SSBP3: variants seen among roughly 807,000 people sequenced by gnomAD.
SSBP3 encodes the protein single-stranded DNA-binding protein 3.
In SSBP3, 5 loss-of-function variants were observed where a neutral mutation model predicts 69.6. The observed-to-expected ratio is 0.07, with a 90% CI of 0.04 to 0.15. The LOEUF (loss-of-function observed/expected upper bound fraction) is 0.15, where lower values mean the gene tolerates loss of function less well. Ranked by LOEUF, SSBP3 falls within the 10% of genes least tolerant of loss-of-function variation. The pLI, the probability that SSBP3 is intolerant of heterozygous loss-of-function variation, is 1.00. For synonymous variants in SSBP3, 196 were observed against 193.4 expected, an observed-to-expected ratio of 1.01 and a Z score of -0.11; for missense variants, 312 against 534.0, an observed-to-expected ratio of 0.58 and a Z score of 4.10.
At chr1:54,375,103 C>T (rs1442350069) in intron 4 of SSBP3, among the ~76,000 whole-genome samples, 1 of 152,182 alleles carries the variant, frequency 6.6e-6, no homozygotes, top group Non-Finnish European at 1.5e-5. Flanking sequence ...GTCTTCTCCA[C>T]TAGCTGTCCA....
chr1:54,358,785 C>A (rs1646908066), intron 4 of SSBP3, among the ~76,000 whole-genome samples: 1 of 152,264 alleles, frequency 6.6e-6, no homozygotes, highest in Non-Finnish European at 1.5e-5. Context: ...CAGGGAAATT[C>A]CGCCCACAGC....
At chr1:54,383,805 C>G (rs1479160523) in intron 4 of SSBP3, among the ~76,000 whole-genome samples, 1 of 152,062 alleles carries the variant, frequency 6.6e-6, no homozygotes, top group Non-Finnish European at 1.5e-5. Context: ...CCCCAGCCCC[C>G]TTTATAAAAA....
At chr1:54,360,723 G>A (rs186270811) in intron 4 of SSBP3, among the ~76,000 whole-genome samples, 18 of 152,188 alleles carry the variant, frequency 1.2e-4, no homozygotes, top group Admixed American at 1.0e-3. Flanking sequence ...GAACCTCCTC[G>A]AGTCTCAATT....
At chr1:54,347,966 A>G (rs918681329) in intron 4 of SSBP3, among the ~76,000 whole-genome samples, 3 of 152,154 alleles carry the variant, frequency 2.0e-5, no homozygotes, top group Non-Finnish European at 4.4e-5. Context: ...TCTGGAAATC[A>G]TTCACTCCAA....
chr1:54,291,838 T>C (rs1645614092), intron 4 of SSBP3, among the ~76,000 whole-genome samples: 1 of 152,200 alleles, frequency 6.6e-6, no homozygotes, highest in African/African-American at 2.4e-5. Flanking sequence ...CGCCCAGCTG[T>C]CAGGCAAGGA....
At chr1:54,401,835 G>A (rs746444387) in intron 4 of SSBP3, 26 bp downstream of exon 4, 15 of 1,591,454 alleles carry the variant, frequency 9.4e-6, no homozygotes, top group Admixed American at 8.3e-5. Flanking sequence ...TATAATTATT[G>A]CTAGGATTAA....
intron 4 of SSBP3, among the ~76,000 whole-genome samples, chr1:54,374,823 C>G (rs17101278): frequency 0.11 from 17,368 of 152,232 alleles, 1,150 homozygotes; most frequent in East Asian, 0.28. Context: ...TAACTGACTT[C>G]CAGAGCATGA....
At chr1:54,227,211 G>T in intron 17 of SSBP3, 51 bp from the exon 18 acceptor site, 5 of 1,064,216 alleles carry the variant, frequency 4.7e-6, no homozygotes, top group Non-Finnish European at 1.5e-6. Context: ...TGGGGAGGCC[G>T]CTGACACACC....
At chr1:54,286,390 C>G (rs948373748) in intron 4 of SSBP3, 1 of 152,256 alleles carries the variant, frequency 6.6e-6, no homozygotes, top group African/African-American at 2.4e-5. Flanking sequence ...GGTGCCTCCT[C>G]TAAACCTACA....
At chr1:54,369,452 C>T (rs780843868) in intron 4 of SSBP3, among the ~76,000 whole-genome samples, 6 of 152,002 alleles carry the variant, frequency 3.9e-5, no homozygotes, top group Admixed American at 1.3e-4. Context: ...AGAATATCCA[C>T]GTGGAGGCTG....
chr1:54,229,980 G>A (rs554015284), intron 14 of SSBP3, among the ~76,000 whole-genome samples: 1 of 152,254 alleles, frequency 6.6e-6, no homozygotes, highest in Non-Finnish European at 1.5e-5. Context: ...AGGAGGAAGA[G>A]AGCATCAACA....
At chr1:54,400,382 A>G (rs1649212014) in intron 4 of SSBP3, among the ~76,000 whole-genome samples, 1 of 151,594 alleles carries the variant, frequency 6.6e-6, no homozygotes, top group Non-Finnish European at 1.5e-5. Context: ...AAAACCATGC[A>G]AGATTTTTAC....
intron 4 of SSBP3, among the ~76,000 whole-genome samples, chr1:54,310,888 T>G (rs1645989431): frequency 6.6e-6 from 1 of 152,204 alleles, no homozygotes; most frequent in Non-Finnish European, 1.5e-5. Flanking sequence ...ACTGGGAGCA[T>G]GCAGATTGGC....
chr1:54,277,739 C>T (rs908908127), intron 5 of SSBP3, among the ~76,000 whole-genome samples: 1 of 152,202 alleles, frequency 6.6e-6, no homozygotes, highest in Non-Finnish European at 1.5e-5. Context: ...TCTTGTGAGT[C>T]CCGTTTTGGA....
intron 10 of SSBP3, among the ~76,000 whole-genome samples, chr1:54,242,478 C>G (rs1268753619): frequency 6.6e-6 from 1 of 152,100 alleles, no homozygotes; most frequent in East Asian, 1.9e-4. Context: ...GTGCATTTTC[C>G]TAGGAAGGGA....
At chr1:54,378,200 T>C (rs1055396626) in intron 4 of SSBP3, among the ~76,000 whole-genome samples, 16 of 152,206 alleles carry the variant, frequency 1.1e-4, no homozygotes, top group Non-Finnish European at 1.8e-4. Flanking sequence ...AACTTTCCCA[T>C]ATTCTCATCA....
Position 54,251,784 on chromosome 1 carries a change from C to T in SSBP3, c.574+10G>A, listed in dbSNP as rs1186962674. On this transcript the variant is annotated intron_variant, in intron 8 of 17. Coordinates refer to ENST00000610401, the Ensembl canonical transcript of SSBP3. The stretch of plus-strand genomic sequence containing the variant: ...CCCCAGCCACCCTAGGCCCACCCTG[C>T]CCTCTCTACCTTGTTGTCGTGTGGG... The T allele has an allele frequency of 2.5e-6, 4 of 1,610,954 alleles. No homozygotes were observed. In the East Asian group the frequency reaches 8.9e-5, roughly 36 times the overall value.
intron 4 of SSBP3, among the ~76,000 whole-genome samples, chr1:54,360,265 G>A (rs1211193747): frequency 6.6e-6 from 1 of 152,178 alleles, no homozygotes; most frequent in African/African-American, 2.4e-5. Context: ...GGAGGAAGAG[G>A]AAAGTTAGAG....
intron 13 of SSBP3, among the ~76,000 whole-genome samples, chr1:54,240,110 G>A (rs1486605624): frequency 4.8e-3 from 11 of 2,312 alleles, no homozygotes; most frequent in Non-Finnish European, 7.9e-3. Context: ...GTGTGCGTGC[G>A]CGCGCGCGCG....
Sources: allele counts gnomAD v4.1 joint callset (sites outside exome capture counted in the v4.1 genomes callset), GRCh38; gene constraint gnomAD v4.1.1; transcripts MANE v1.5; gene names NCBI Gene and HGNC (gene_info 2026-07-23, HGNC 2026-07-21).